The following ARHGEF26 variants were observed in gnomAD, a reference collection of about 807,000 sequenced individuals.
ARHGEF26 encodes Rho guanine nucleotide exchange factor (GEF) 26.
Under a neutral mutation model 89.4 loss-of-function variants are expected in ARHGEF26, and 59 were observed. That is an observed-to-expected ratio of 0.66 (90% CI 0.54 to 0.82). The LOEUF (loss-of-function observed/expected upper bound fraction) is 0.82, where lower values mean the gene tolerates loss of function less well. Among genes scored for constraint, ARHGEF26 ranks in the 40% least tolerant of loss-of-function variants. The pLI is 0.00. For synonymous variants in ARHGEF26, 500 were observed against 428.4 expected, an observed-to-expected ratio of 1.17 and a Z score of -2.06; for missense variants, 1,234 against 1,085.6, an observed-to-expected ratio of 1.14 and a Z score of -1.92.
rs1718550249 is a variant in ARHGEF26 at position 154,129,563 on chromosome 3, T to C, written c.1124-11T>C. ...AACAATTAGTGACACATAGGCCTTG[T>C]TTTCTTGCAGAAAATGCTGTCCTGT... On this transcript the variant is annotated splice_polypyrimidine_tract_variant and intron_variant, in intron 3 of 14. Transcript: ENST00000465093. 1 of 1,609,808 alleles carries C rather than the reference T, an allele frequency of 6.2e-7. No individual in the cohort carries two copies. Among genetic ancestry groups the C allele is most frequent in the East Asian group, 2.2e-5 (1 of 44,838 alleles).
chr3:154,191,525 A>G (rs1397240134), intron 8 of ARHGEF26, 107 bp downstream of exon 8: 4 of 1,331,002 alleles, frequency 3.0e-6, no homozygotes, highest in Non-Finnish European at 4.0e-6. Context: ...TTAAAGGTCT[A>G]AAAATCCCCC....
chr3:154,191,430 C>T lies in ARHGEF26; in HGVS notation c.1770+12C>T, dbSNP rs138621541. On this transcript the variant is annotated intron_variant, in intron 8 of 14. Coordinates refer to ENST00000465093, the MANE Select transcript of ARHGEF26 (RefSeq NM_015595.4). ...CCCTGCTGATGGATGTAAGACATGA[C>T]GGTGGCTTTTTCCTCTGTGGATAGC... 113 of 1,610,312 alleles carry T rather than the reference C, an allele frequency of 7.0e-5. No homozygotes were observed. The African/African-American group carries it at 1.0e-3, about 14-fold the overall frequency.
intron 11 of ARHGEF26, among the ~76,000 whole-genome samples, chr3:154,231,417 C>T (rs1716816671): frequency 1.3e-5 from 2 of 152,154 alleles, no homozygotes; most frequent in Non-Finnish European, 2.9e-5. Flanking sequence ...CTTCTCGTCT[C>T]TCAGAGCCTC....
In ARHGEF26 at chr3:154,122,578, A is replaced by G. The variant is rs1418640668; in HGVS notation, c.586A>G (p.Lys196Glu). 4 of 1,613,630 alleles carry G rather than the reference A, an allele frequency of 2.5e-6. No homozygotes were observed. Among genetic ancestry groups the G allele is most frequent in the Non-Finnish European group, 3.4e-6 (4 of 1,179,888 alleles). ...GSGSQSGRKA[K>E]DPERGLFPGP... Reference sequence around the variant, plus strand: ...AGGTTCGCAGTCCGGCCGGAAGGCAAAGGACCCCGAACGGGGGCTCTTTCC... The same window carrying G: ...AGGTTCGCAGTCCGGCCGGAAGGCAGAGGACCCCGAACGGGGGCTCTTTCC... The change falls in exon 2 of 15, where the codon AAG (lysine) becomes GAG (glutamate). Residue 196 changes from lysine (K) to glutamate (E), a missense_variant. By Grantham distance (56) the Lys-to-Glu change is moderately conservative. Transcript: ENST00000465093.
chr3:154,190,724 T>TA (rs1209026407), intron 7 of ARHGEF26, among the ~76,000 whole-genome samples: 1 of 152,236 alleles, frequency 6.6e-6, no homozygotes, highest in Non-Finnish European at 1.5e-5. Flanking sequence ...GCAGCATTAA[T>TA]ACTTTTCTTG....
At chr3:154,132,211 A>G (rs1238392867) in intron 4 of ARHGEF26, among the ~76,000 whole-genome samples, 1 of 152,034 alleles carries the variant, frequency 6.6e-6, no homozygotes, top group African/African-American at 2.4e-5. Flanking sequence ...AGTGCTTTAA[A>G]CCCATAGAAA....
At chr3:154,155,762 T>C (rs1178019148) in intron 6 of ARHGEF26, among the ~76,000 whole-genome samples, 1 of 151,810 alleles carries the variant, frequency 6.6e-6, no homozygotes, top group Non-Finnish European at 1.5e-5. Context: ...AAGTATAATG[T>C]AGTTCATGGT....
At chr3:154,187,887 T>C in intron 7 of ARHGEF26, 50 bp downstream of exon 7, 1 of 1,483,108 alleles carries the variant, frequency 6.7e-7, no homozygotes, top group Non-Finnish European at 9.1e-7. Context: ...TAGTTTTAAT[T>C]AGGCTACATT....
chr3:154,243,026 C>A (rs550598157), intron 12 of ARHGEF26, among the ~76,000 whole-genome samples: 1 of 152,210 alleles, frequency 6.6e-6, no homozygotes, highest in East Asian at 1.9e-4. Flanking sequence ...GTGACACACC[C>A]AAGACCAGGG....
intron 11 of ARHGEF26, among the ~76,000 whole-genome samples, chr3:154,238,202 A>G (rs571384552): frequency 3.3e-5 from 5 of 152,316 alleles, no homozygotes; most frequent in African/African-American, 1.2e-4. Context: ...TCCTCTTTTT[A>G]TAAACATCAT....
intron 5 of ARHGEF26, among the ~76,000 whole-genome samples, chr3:154,150,712 G>A (rs923812386): frequency 2.6e-5 from 4 of 151,784 alleles, no homozygotes; most frequent in Non-Finnish European, 5.9e-5. Context: ...CTCTCCTTGT[G>A]GATAAATTTA....
intron 6 of ARHGEF26, among the ~76,000 whole-genome samples, chr3:154,154,906 T>C (rs1720236741): frequency 6.6e-6 from 1 of 152,054 alleles, no homozygotes; most frequent in African/African-American, 2.4e-5. Flanking sequence ...TGCTATATAT[T>C]AGCCATTCTA....
Position 154,191,318 on chromosome 3 carries a change from T to A in ARHGEF26, c.1670T>A (p.Leu557Ter). The change falls in exon 8 of 15, where the codon TTG becomes TAG. Residue 557 changes from leucine to a stop codon, truncating the protein, a stop_gained. Coordinates refer to ENST00000465093, the MANE Select transcript of ARHGEF26 (RefSeq NM_015595.4). LOFTEE classifies it high-confidence loss of function. ...ACCAATCCATCCTTTAAGGAAGTAT[T>A]GTCAAGGATTGAGTCCCATGAAGAC... Reference protein sequence around the residue: ...LATNPSFKEVLSRIESHEDCR... With the variant: ...LATNPSFKEV 6.2e-7 allele frequency: 1 copy of A among 1,613,064 alleles called. No individual in the cohort carries two copies. The highest frequency in any genetic ancestry group is 8.5e-7 in the Non-Finnish European group (1 of 1,179,496).
chr3:154,126,771 A>G (rs763495783), intron 3 of ARHGEF26, among the ~76,000 whole-genome samples: 9 of 151,922 alleles, frequency 5.9e-5, no homozygotes, highest in Non-Finnish European at 1.3e-4. Context: ...GACTTTCCCT[A>G]GTTCTTTTAA....
At chr3:154,205,851 A>T (rs1335811456) in intron 9 of ARHGEF26, among the ~76,000 whole-genome samples, 1 of 152,166 alleles carries the variant, frequency 6.6e-6, no homozygotes, top group Non-Finnish European at 1.5e-5. Flanking sequence ...ATGCCTTGAA[A>T]AGTGGTTGTA....
chr3:154,181,558 C>G (rs1280602499), intron 6 of ARHGEF26, among the ~76,000 whole-genome samples: 1 of 152,122 alleles, frequency 6.6e-6, no homozygotes, highest in African/African-American at 2.4e-5. Flanking sequence ...TTCTGTGTTT[C>G]CAGAGCTAGA....
chr3:154,177,621 G>A (rs1003550262), intron 6 of ARHGEF26, among the ~76,000 whole-genome samples: 6 of 152,120 alleles, frequency 3.9e-5, no homozygotes, highest in Admixed American at 1.3e-4. Flanking sequence ...TTCGGATTGT[G>A]TTCCATCAGG....
intron 3 of ARHGEF26, among the ~76,000 whole-genome samples, chr3:154,126,217 A>G (rs1216479999): frequency 6.6e-6 from 1 of 152,224 alleles, no homozygotes; most frequent in Non-Finnish European, 1.5e-5. Flanking sequence ...GTCATAGTGC[A>G]TACAGAATAT....
intron 11 of ARHGEF26, among the ~76,000 whole-genome samples, chr3:154,239,255 AGAGAGG>A (rs1469251270): frequency 0.018 from 1,175 of 63,648 alleles, 1 homozygote; most frequent in African/African-American, 0.036. Context: ...TGACCGAGAG[AGAGAGG>A]GAGAGAGAGA....
Sources: allele counts gnomAD v4.1 joint callset (sites outside exome capture counted in the v4.1 genomes callset), GRCh38; gene constraint gnomAD v4.1.1; transcripts MANE v1.5; gene names NCBI Gene and HGNC (gene_info 2026-07-23, HGNC 2026-07-21).